The following USP12 variants were observed in gnomAD, a reference collection of about 807,000 sequenced individuals.
USP12 encodes ubiquitin carboxyl-terminal hydrolase 12.
USP12 carries 19 observed loss-of-function variants against 45.5 expected under a neutral mutation model. That is an observed-to-expected ratio of 0.42 (90% confidence interval 0.29 to 0.61). The LOEUF is 0.61. Ranked by LOEUF, USP12 falls within the 20% of genes least tolerant of loss-of-function variation. The pLI is 0.22. For missense variants in USP12, 242 were observed against 447.7 expected (o/e 0.54, Z 4.15); for synonymous variants, 149 against 148.8 (o/e 1.00, Z -0.01).
rs76535486 is a variant in USP12, at chr13:27,164,439, T to C, written c.48+7153A>G. ...ACTGTTTAGAAGAAGCTAATGGTCCTTCTGAAAGAGAAGCAGCAGCAAAGC... is the reference window on the plus strand; with the variant it reads ...ACTGTTTAGAAGAAGCTAATGGTCCCTCTGAAAGAGAAGCAGCAGCAAAGC... On this transcript the variant is annotated intron_variant, in intron 1 of 8. Transcript: ENST00000282344. 1.3e-3 allele frequency among the ~76,000 whole-genome samples: 197 copies of C among 152,328 alleles called. 8 individuals are homozygous for C. The East Asian group carries it at 0.034, about 26-fold the overall frequency.
chr13:27,125,828 C>T (rs1191763052), intron 1 of USP12, among the ~76,000 whole-genome samples: 1 of 152,270 alleles, frequency 6.6e-6, no homozygotes, highest in Non-Finnish European at 1.5e-5. Flanking sequence ...TTATGGGTCC[C>T]ACGCCCAGGG....
chr13:27,122,727 A>G (rs929881713), intron 1 of USP12, among the ~76,000 whole-genome samples: 2 of 152,308 alleles, frequency 1.3e-5, no homozygotes, highest in South Asian at 2.1e-4. Flanking sequence ...AACAAGGTTA[A>G]TATCAGATAG....
At chr13:27,165,926 A>AAAT (rs552833788) in intron 1 of USP12, among the ~76,000 whole-genome samples, 5,959 of 152,126 alleles carry the variant, frequency 0.039, 151 homozygotes, top group Admixed American at 0.075. Context: ...AGAGCAAAAA[A>AAAT]AATAATAATA....
chr13:27,084,573 A>G (rs1455432116), intron 6 of USP12, among the ~76,000 whole-genome samples: 3 of 150,976 alleles, frequency 2.0e-5, no homozygotes, highest in African/African-American at 7.3e-5. Context: ...TGTAGATGAC[A>G]TAAGGTAAGG....
intron 6 of USP12, among the ~76,000 whole-genome samples, chr13:27,082,742 G>C (rs901279911): frequency 6.6e-6 from 1 of 152,162 alleles, no homozygotes; most frequent in African/African-American, 2.4e-5. Flanking sequence ...TTTCAATATT[G>C]TTGTGTCTTA....
At chr13:27,117,868 T>C in intron 1 of USP12, 1 of 517,298 alleles carries the variant, frequency 1.9e-6, no homozygotes, top group Non-Finnish European at 3.9e-6. Context: ...GGGAGAAATG[T>C]GGCCCTGAGC....
At chr13:27,133,289 G>A (rs893296578) in intron 1 of USP12, among the ~76,000 whole-genome samples, 1 of 152,162 alleles carries the variant, frequency 6.6e-6, no homozygotes. Context: ...GAATGGGTGT[G>A]CACATGCTTA....
chr13:27,116,689 C>G, intron 1 of USP12, 93 bp from the exon 2 acceptor site: 1 of 1,181,484 alleles, frequency 8.5e-7, no homozygotes, highest in Non-Finnish European at 1.2e-6. Context: ...CATGATGGTC[C>G]TATCACATTA....
rs372985958 is a variant in USP12, at chr13:27,103,607, A to AAAAAAAAAT, written c.343+2123_343+2124insATTTTTTTT. Among the ~76,000 whole-genome samples the AAAAAAAAAT allele has an allele frequency of 5.6e-3, 716 of 128,468 alleles. 6 individuals are homozygous for AAAAAAAAAT. The highest frequency in any genetic ancestry group is 0.013 in the South Asian group (49 of 3,696). The allele number at this position is 128,468 out of a possible 152,430, so 84.3% of individuals were successfully genotyped here. On this transcript the variant is annotated intron_variant, in intron 3 of 8. Transcript: ENST00000282344. ...GTAACTATTGAACTATCAAAAAAAA[A>AAAAAAAAAT]AATAATAATAATAATAATAATAAGG...
At chr13:27,095,165 T>C (rs1874517893) in intron 4 of USP12, among the ~76,000 whole-genome samples, 1 of 152,086 alleles carries the variant, frequency 6.6e-6, no homozygotes. Flanking sequence ...CTTTACAAAG[T>C]GTCCAGCAAG....
At chr13:27,079,283 G>A (rs1484875067) in intron 6 of USP12, among the ~76,000 whole-genome samples, 2 of 151,956 alleles carry the variant, frequency 1.3e-5, no homozygotes, top group Non-Finnish European at 2.9e-5. Context: ...AAAATCCCAG[G>A]AAGAGTGGCT....
intron 1 of USP12, 120 bp downstream of exon 1, chr13:27,171,472 A>AGCCC (rs1878611963): frequency 8.8e-5 from 1 of 11,388 alleles, no homozygotes; most frequent in African/African-American, 2.8e-4. Context: ...CGGGCCGCCC[A>AGCCC]GCCCGCCCGC....
At chr13:27,111,913 T>G (rs983356784) in intron 2 of USP12, among the ~76,000 whole-genome samples, 1 of 152,172 alleles carries the variant, frequency 6.6e-6, no homozygotes, top group South Asian at 2.1e-4. Context: ...CTATCAAAAC[T>G]GAAAAAGATA....
intron 1 of USP12, among the ~76,000 whole-genome samples, chr13:27,167,201 G>T (rs1271836916): frequency 6.6e-6 from 1 of 152,034 alleles, no homozygotes; most frequent in Non-Finnish European, 1.5e-5. Context: ...GGTGGAGGTT[G>T]CGGTGAGCCA....
At chr13:27,107,703 A>G (rs1593187961) in intron 2 of USP12, among the ~76,000 whole-genome samples, 1 of 152,228 alleles carries the variant, frequency 6.6e-6, no homozygotes, top group South Asian at 2.1e-4. Flanking sequence ...GATATGGCTG[A>G]TACAAGATCT....
At chr13:27,122,429 C>T (rs577883208) in intron 1 of USP12, among the ~76,000 whole-genome samples, 60 of 152,134 alleles carry the variant, frequency 3.9e-4, no homozygotes, top group African/African-American at 1.4e-3. Flanking sequence ...TTTTTCTTCA[C>T]GGTCTTGGGT....
Position 27,163,776 on chromosome 13 carries a change from AAAAAAAAAAG to A in USP12, c.48+7806_48+7815del, listed in dbSNP as rs1354698943. Reference sequence around the variant, plus strand: ...TAGAGCAAGACCTGTCTTAAAAAAAAAAAAAAAAAGAAAAAAAAAAAAGAAAAGAAGCTAC... The same window carrying A: ...TAGAGCAAGACCTGTCTTAAAAAAAAAAAAAAAAAAAAGAAAAGAAGCTAC... On this transcript the variant is annotated intron_variant, in intron 1 of 8. Transcript: ENST00000282344. Among the ~76,000 whole-genome samples the A allele has an allele frequency of 1.5e-3, 172 of 113,170 alleles. 1 individual carries two copies. The highest frequency in any genetic ancestry group is 4.9e-3 in the Admixed American group (43 of 8,790). The allele number at this position is 113,170 out of a possible 152,430, so 74.2% of individuals were successfully genotyped here. A position where few individuals can be genotyped will look rare whatever the true frequency, so the allele number is the denominator to read the frequency against.
chr13:27,081,913 A>AATATTCAGTAAATTATGCT (rs1873777580), intron 6 of USP12, among the ~76,000 whole-genome samples: 1 of 152,210 alleles, frequency 6.6e-6, no homozygotes, highest in Non-Finnish European at 1.5e-5. Context: ...GTGAGCTTAA[A>AATATTCAGTAAATTATGCT]ATATTCAGTA....
At chr13:27,113,140 C>G (rs572051567) in intron 2 of USP12, among the ~76,000 whole-genome samples, 30 of 152,096 alleles carry the variant, frequency 2.0e-4, no homozygotes, top group African/African-American at 7.2e-4. Context: ...GAGGTAAAGG[C>G]AGGAGGACGG....
Sources: gnomAD v4.1 joint callset for allele counts (sites outside exome capture counted in the v4.1 genomes callset) on GRCh38, gnomAD v4.1.1 for gene constraint, MANE v1.5 for transcripts, NCBI Gene and HGNC (gene_info 2026-07-23, HGNC 2026-07-21) for gene names.